Variants in UGT2B17 observed in about 807,000 individuals in gnomAD.
UGT2B17 encodes the protein UDP-glucuronosyltransferase 2B17.
UGT2B17 carries 21 observed loss-of-function variants against 48.2 expected under a neutral mutation model. That is an observed-to-expected ratio of 0.44 (90% CI 0.31 to 0.63). UGT2B17 has a LOEUF of 0.63. Among genes scored for constraint, UGT2B17 ranks in the 20% least tolerant of loss-of-function variants. The pLI, the probability that UGT2B17 is intolerant of heterozygous loss-of-function variation, is 0.08. For missense variants in UGT2B17, 402 were observed against 696.1 expected (o/e 0.58, Z 4.75); for synonymous variants, 146 against 238.4 (o/e 0.61, Z 3.57).
chr4:68,553,779 A>G lies in UGT2B17; in HGVS notation c.1006-1868T>C, dbSNP rs1730955761. ...AGATGTGTTGTAAAGGGTCTCCTCT[A>G]TTGTTTTTATTCCCCAAATTAATCT... On this transcript the variant is annotated intron_variant, in intron 4 of 6. Coordinates refer to ENST00000317746, the MANE Select transcript of UGT2B17 (RefSeq NM_001077.4). Among the ~76,000 whole-genome samples the G allele has an allele frequency of 1.6e-5, 2 of 121,722 alleles. 1 individual carries two copies. Among genetic ancestry groups the G allele is most frequent in the Non-Finnish European group, 3.4e-5 (2 of 58,020 alleles). 79.9% of individuals were successfully genotyped at this position (121,722 alleles called of 152,430 possible).
chr4:68,561,475 T>C lies in UGT2B17; in HGVS notation c.874-807A>G, dbSNP rs1392694283. On this transcript the variant is annotated intron_variant, in intron 3 of 6. Transcript: ENST00000317746. ...GATCATTGTTTAGGTATGACTATGA[T>C]ACCTTTTGTCCTGAAATCACACTGT... 1.6e-5 allele frequency among the ~76,000 whole-genome samples: 2 copies of C among 124,688 alleles called. 1 individual carries two copies. The highest frequency in any genetic ancestry group is 3.4e-5 in the Non-Finnish European group (2 of 59,222). 81.8% of individuals were successfully genotyped at this position (124,688 alleles called of 152,430 possible).
At chr4:68,561,263 A>G (rs1472840086) in intron 3 of UGT2B17, among the ~76,000 whole-genome samples, 1 of 119,414 alleles carries the variant, frequency 8.4e-6, no homozygotes, top group African/African-American at 2.9e-5. Flanking sequence ...GTCTTACCCC[A>G]CTACCCCTCA....
At chr4:68,552,168 G>A (rs4860964) in intron 4 of UGT2B17, among the ~76,000 whole-genome samples, 111,685 of 124,360 alleles carry the variant, frequency 0.9, 53,191 homozygotes, top group Non-Finnish European at 0.99. Flanking sequence ...GAGAGTGTGA[G>A]AGGAAAATAA....
chr4:68,572,996 A>G (rs1186592352), intron 1 of UGT2B17, among the ~76,000 whole-genome samples: 1 of 127,294 alleles, frequency 7.9e-6, no homozygotes, highest in African/African-American at 2.7e-5. Context: ...AGGGTGTTGC[A>G]AACTTCAATG....
Position 68,541,121 on chromosome 4 carries a change from T to C in UGT2B17, c.1314-3217A>G, listed in dbSNP as rs1345203830. Among the ~76,000 whole-genome samples, 4 of 126,288 alleles carry C rather than the reference T, an allele frequency of 3.2e-5. 2 individuals are homozygous for C. In the East Asian group the frequency reaches 3.0e-3, roughly 96 times the overall value. The allele number at this position is 126,288 out of a possible 152,430, so 82.8% of individuals were successfully genotyped here. A position where few individuals can be genotyped will look rare whatever the true frequency, so the allele number is the denominator to read the frequency against. On this transcript the variant is annotated intron_variant, in intron 6 of 6. Coordinates refer to ENST00000317746, the MANE Select transcript of UGT2B17 (RefSeq NM_001077.4). ...TGCAATAGACATACATGTGCATGTG[T>C]CTTTACAGTAGAATGATTTATATGC... is the stretch of plus-strand genomic sequence containing the variant.
In UGT2B17 at chr4:68,548,014, G is replaced by A. The variant is rs1398782367; in HGVS notation, c.1313+2663C>T. The stretch of plus-strand genomic sequence containing the variant: ...TAGTTCAACCATTGTGGAAGTCAGT[G>A]TGGCGATTCCTCAGGGATCTAGAAC... On this transcript the variant is annotated intron_variant, in intron 6 of 6. Coordinates refer to ENST00000317746, the MANE Select transcript of UGT2B17 (RefSeq NM_001077.4). 1.6e-5 allele frequency among the ~76,000 whole-genome samples: 2 copies of A among 126,722 alleles called. 1 individual carries two copies. The highest frequency in any genetic ancestry group is 3.4e-5 in the Non-Finnish European group (2 of 59,636). 83.1% of individuals were successfully genotyped at this position (126,722 alleles called of 152,430 possible).
intron 2 of UGT2B17, among the ~76,000 whole-genome samples, chr4:68,566,609 C>T (rs1349552291): frequency 4.9e-5 from 6 of 121,490 alleles, no homozygotes; most frequent in African/African-American, 1.8e-4. Flanking sequence ...GCTTGCTTCC[C>T]CTTAGCCTTT....
In UGT2B17 at chr4:68,556,252, T is replaced by C. The variant is rs1443842107; in HGVS notation, c.1005+4285A>G. Among the ~76,000 whole-genome samples, 3 of 120,806 alleles carry C rather than the reference T, an allele frequency of 2.5e-5. 1 individual carries two copies. The highest frequency in any genetic ancestry group is 8.8e-5 in the African/African-American group (3 of 34,012). 79.3% of individuals were successfully genotyped at this position (120,806 alleles called of 152,430 possible). A position where few individuals can be genotyped will look rare whatever the true frequency, so the allele number is the denominator to read the frequency against. Reference sequence around the variant, plus strand: ...ATTTTCTTAAGGGATTGATTTACTCTTAAAATATTATGAGTTTTTTTTTTT... The same window carrying C: ...ATTTTCTTAAGGGATTGATTTACTCCTAAAATATTATGAGTTTTTTTTTTT... On this transcript the variant is annotated intron_variant, in intron 4 of 6. Transcript: ENST00000317746.
intron 4 of UGT2B17, among the ~76,000 whole-genome samples, chr4:68,558,357 T>C (rs1731041037): frequency 8.0e-6 from 1 of 125,592 alleles, no homozygotes; most frequent in Non-Finnish European, 1.7e-5. Context: ...TTTTTTTTCC[T>C]CCCCTTCCAC....
At chr4:68,541,340 C>A (rs544350705) in intron 6 of UGT2B17, among the ~76,000 whole-genome samples, 1 of 126,600 alleles carries the variant, frequency 7.9e-6, no homozygotes, top group African/African-American at 2.7e-5. Context: ...CATCTCCATT[C>A]TGACTGGCAT....
chr4:68,546,969 A>G lies in UGT2B17; in HGVS notation c.1313+3708T>C, dbSNP rs1730824121. On this transcript the variant is annotated intron_variant, in intron 6 of 6. Transcript: ENST00000317746. ...AGAACGTTCCATGCTCATGGGTAGG[A>G]AGAATCAATATCGTGAAAACGGCCA... Among the ~76,000 whole-genome samples, 2 of 125,954 alleles carry G rather than the reference A, an allele frequency of 1.6e-5. 1 individual carries two copies. Among genetic ancestry groups the G allele is most frequent in the African/African-American group, 5.4e-5 (2 of 36,870 alleles). 82.6% of individuals were successfully genotyped at this position (125,954 alleles called of 152,430 possible).
chr4:68,561,039 AT>A (rs561970211), intron 3 of UGT2B17, among the ~76,000 whole-genome samples: 1,832 of 120,474 alleles, frequency 0.015, 354 homozygotes, highest in African/African-American at 0.049. Context: ...CTTTAATTCT[AT>A]TTTTTTTTGT....
chr4:68,564,732 ACTCCGTCG>A (rs1349392467), intron 3 of UGT2B17, among the ~76,000 whole-genome samples: 6 of 124,336 alleles, frequency 4.8e-5, no homozygotes, highest in Admixed American at 3.3e-4. Context: ...ACAGAGTCTC[ACTCCGTCG>A]CACAGGCTAG....
intron 1 of UGT2B17, among the ~76,000 whole-genome samples, chr4:68,570,161 C>T (rs1399328732): frequency 7.9e-6 from 1 of 127,044 alleles, no homozygotes; most frequent in Non-Finnish European, 1.7e-5. Flanking sequence ...CGGCAAGCTA[C>T]TGCCTTAAAA....
In UGT2B17 at chr4:68,562,323, C is replaced by T. The variant is rs1425015619; in HGVS notation, c.874-1655G>A. The stretch of plus-strand genomic sequence containing the variant: ...TAGAGACAGGTTTCACCATCTTGGC[C>T]AGACTGGTCTTGACCTCCTGACCTC... On this transcript the variant is annotated intron_variant, in intron 3 of 6. Transcript: ENST00000317746. 1.6e-5 allele frequency among the ~76,000 whole-genome samples: 2 copies of T among 124,708 alleles called. 1 individual carries two copies. The highest frequency in any genetic ancestry group is 3.4e-5 in the Non-Finnish European group (2 of 59,322). 81.8% of individuals were successfully genotyped at this position (124,708 alleles called of 152,430 possible).
Position 68,545,665 on chromosome 4 carries a change from G to A in UGT2B17, c.1313+5012C>T, listed in dbSNP as rs1271776353. On this transcript the variant is annotated intron_variant, in intron 6 of 6. Transcript: ENST00000317746. Reference sequence around the variant, plus strand: ...GTTTTTTGAAAAGGCCAACAAAATTGATAGACTGCTAGCAAGACTAATAAA... The same window carrying A: ...GTTTTTTGAAAAGGCCAACAAAATTAATAGACTGCTAGCAAGACTAATAAA... 1.6e-5 allele frequency among the ~76,000 whole-genome samples: 2 copies of A among 125,278 alleles called. 1 individual carries two copies. The highest frequency in any genetic ancestry group is 3.4e-5 in the Non-Finnish European group (2 of 59,312). The allele number at this position is 125,278 out of a possible 152,430, so 82.2% of individuals were successfully genotyped here. A position where few individuals can be genotyped will look rare whatever the true frequency, so the allele number is the denominator to read the frequency against.
In UGT2B17 at chr4:68,537,411, T is replaced by G. The variant is rs1445622786; in HGVS notation, c.*214A>C. On this transcript the variant is annotated 3_prime_UTR_variant, in exon 7 of 7. Transcript: ENST00000317746. ...CAATATAAGCCCATAAGGTTTTATA[T>G]TATTATTTTTCATAGCTTAAAAATC... The G allele has an allele frequency of 1.1e-5, 4 of 380,254 alleles. 1 individual carries two copies. Among genetic ancestry groups the G allele is most frequent in the Middle Eastern group, 7.9e-4 (1 of 1,266 alleles). The allele number at this position is 380,254 out of a possible 1,614,324, so 23.6% of individuals were successfully genotyped here. A position where few individuals can be genotyped will look rare whatever the true frequency, so the allele number is the denominator to read the frequency against.
intron 6 of UGT2B17, among the ~76,000 whole-genome samples, chr4:68,549,053 A>T (rs1212016886): frequency 8.0e-6 from 1 of 124,540 alleles, no homozygotes. Context: ...TTTATTCTAT[A>T]TATTTTTGTT....
chr4:68,544,978 G>A lies in UGT2B17; in HGVS notation c.1313+5699C>T, dbSNP rs1332891411. On this transcript the variant is annotated intron_variant, in intron 6 of 6. Coordinates refer to ENST00000317746, the MANE Select transcript of UGT2B17 (RefSeq NM_001077.4). ...TTAGACTCCCACACAATAATAATGG[G>A]ACACTTTAACAAACCACCGTCAACA... 3.2e-5 allele frequency among the ~76,000 whole-genome samples: 4 copies of A among 125,606 alleles called. 1 individual carries two copies. The highest frequency in any genetic ancestry group is 1.1e-4 in the African/African-American group (4 of 36,726). The allele number at this position is 125,606 out of a possible 152,430, so 82.4% of individuals were successfully genotyped here.
Sources: gnomAD v4.1 joint callset for allele counts (sites outside exome capture counted in the v4.1 genomes callset) on GRCh38, gnomAD v4.1.1 for gene constraint, MANE v1.5 for transcripts, NCBI Gene and HGNC (gene_info 2026-07-23, HGNC 2026-07-21) for gene names.